Variants in B3GALT1 observed in about 807,000 individuals in gnomAD.
B3GALT1 encodes UDP-Gal:betaGlcNAc beta 1,3-galactosyltransferase, polypeptide 1.
In B3GALT1, 10 loss-of-function variants were observed where a neutral mutation model predicts 23.2. That is an observed-to-expected ratio of 0.43 (90% CI 0.27 to 0.73). The LOEUF (loss-of-function observed/expected upper bound fraction) is 0.73. Ranked by LOEUF, B3GALT1 falls within the 30% of genes least tolerant of loss-of-function variation. The pLI is 0.21. For synonymous variants in B3GALT1, 156 were observed against 141.5 expected (o/e 1.10, Z -0.73); for missense variants, 299 against 405.4 (o/e 0.74, Z 2.25).
At chr2:167,714,524 C>T (rs1558957283) in intron 3 of B3GALT1, 5 of 1,612,326 alleles carry the variant, frequency 3.1e-6, no homozygotes, top group Non-Finnish European at 4.2e-6. Flanking sequence ...CGAACGCTCT[C>T]TGCCAAATGT....
At chr2:167,694,925 T>C (rs1686769608) in intron 3 of B3GALT1, among the ~76,000 whole-genome samples, 1 of 152,170 alleles carries the variant, frequency 6.6e-6, no homozygotes, top group Non-Finnish European at 1.5e-5. Flanking sequence ...TAAATTTCTT[T>C]GCTTAGATAA....
At chr2:167,774,485 G>GTTTTGTTTTTTGTTTTT (rs1688125273) in intron 3 of B3GALT1, among the ~76,000 whole-genome samples, 2 of 105,180 alleles carry the variant, frequency 1.9e-5, no homozygotes, top group Non-Finnish European at 4.0e-5. Flanking sequence ...TTTTTTTTTT[G>GTTTTGTTTTTTGTTTTT]TTTTTTTTTT....
rs534423720 is a variant in B3GALT1, at chr2:167,844,716, T to C, written c.-229-24095T>C. ...GAAAGAAATCTCTAGCTGAACTGTA[T>C]AACAATTTGAATGGGGCGAGAAGCC... On this transcript the variant is annotated intron_variant, in intron 4 of 4. Transcript: ENST00000392690. Among the ~76,000 whole-genome samples the C allele has an allele frequency of 2.6e-5, 4 of 152,204 alleles. No individual in the cohort carries two copies. In the South Asian group the frequency reaches 8.3e-4, roughly 32 times the overall value.
intron 3 of B3GALT1, among the ~76,000 whole-genome samples, chr2:167,667,240 G>T (rs1378804722): frequency 6.6e-6 from 1 of 152,056 alleles, no homozygotes; most frequent in Non-Finnish European, 1.5e-5. Context: ...GAAATTCTGG[G>T]TTGAAAATTC....
chr2:167,586,042 G>T (rs1835745), intron 2 of B3GALT1, among the ~76,000 whole-genome samples: 5 of 152,040 alleles, frequency 3.3e-5, no homozygotes, highest in African/African-American at 1.2e-4. Context: ...TAGGTAAAGC[G>T]CCATTTTTTG....
chr2:167,337,878 T>A (rs919632597), intron 1 of B3GALT1, among the ~76,000 whole-genome samples: 1 of 152,160 alleles, frequency 6.6e-6, no homozygotes, highest in Non-Finnish European at 1.5e-5. Flanking sequence ...ATCAATATTA[T>A]TACTCATATT....
At chr2:167,473,677 C>T (rs1019983978) in intron 1 of B3GALT1, among the ~76,000 whole-genome samples, 1 of 152,032 alleles carries the variant, frequency 6.6e-6, no homozygotes, top group Non-Finnish European at 1.5e-5. Flanking sequence ...TTGATTATCA[C>T]AATCAAGAGA....
intron 2 of B3GALT1, among the ~76,000 whole-genome samples, chr2:167,572,288 G>C (rs1684308224): frequency 1.3e-5 from 2 of 151,678 alleles, no homozygotes; most frequent in South Asian, 4.2e-4. Context: ...AATGCTATCT[G>C]TTCAGGAATA....
chr2:167,843,194 G>T (rs553308738), intron 4 of B3GALT1, among the ~76,000 whole-genome samples: 1 of 152,126 alleles, frequency 6.6e-6, no homozygotes, highest in Non-Finnish European at 1.5e-5. Context: ...GTAAATTTTC[G>T]TAAACATTTG....
chr2:167,802,400 T>C (rs1233173890), intron 3 of B3GALT1, among the ~76,000 whole-genome samples: 1 of 152,228 alleles, frequency 6.6e-6, no homozygotes, highest in African/African-American at 2.4e-5. Context: ...TTTTGTGTGG[T>C]TGTTTTTTAT....
In B3GALT1 at chr2:167,872,098, T is replaced by A. The variant is rs1690361718; in HGVS notation, c.*2078T>A. 6.6e-6 allele frequency: 1 copy of A among 151,484 alleles called. No homozygotes were observed. Among genetic ancestry groups the A allele is most frequent in the African/African-American group, 2.4e-5 (1 of 41,280 alleles). The allele number at this position is 151,484 out of a possible 1,614,324, so 9.4% of individuals were successfully genotyped here. ...TTTGTATTTTTAGTAGAGACGGGGT[T>A]TCACCGTGTTAGCCAGGATGGTCTC... On this transcript the variant is annotated 3_prime_UTR_variant, in exon 5 of 5. Coordinates refer to ENST00000392690, the MANE Select transcript of B3GALT1 (RefSeq NM_020981.4).
rs144117986 is a variant in B3GALT1 at position 167,446,601 on chromosome 2, C to G, written c.-510-43576C>G. Among the ~76,000 whole-genome samples the G allele has an allele frequency of 1.3e-4, 20 of 152,284 alleles. No individual in the cohort carries two copies. The East Asian group carries it at 3.5e-3, about 26-fold the overall frequency. On this transcript the variant is annotated intron_variant, in intron 1 of 4. Transcript: ENST00000392690. ...TTTCTCTAAACTTCTCTTCTTGCTT[C>G]ATTTCATTCATTTGGTCTTCAGTCA...
intron 3 of B3GALT1, among the ~76,000 whole-genome samples, chr2:167,658,742 A>C (rs868397696): frequency 1.3e-5 from 2 of 152,124 alleles, no homozygotes; most frequent in Non-Finnish European, 2.9e-5. Context: ...ATTTCTATGA[A>C]GTATAATGCA....
intron 3 of B3GALT1, among the ~76,000 whole-genome samples, chr2:167,794,355 T>C (rs1688503613): frequency 6.6e-6 from 1 of 152,208 alleles, no homozygotes; most frequent in Non-Finnish European, 1.5e-5. Context: ...GTCTGGAACA[T>C]GTTGCTTTAG....
intron 1 of B3GALT1, among the ~76,000 whole-genome samples, chr2:167,298,878 CAACAG>C (rs1194693225): frequency 6.7e-6 from 1 of 149,742 alleles, no homozygotes; most frequent in African/African-American, 2.5e-5. Context: ...AAAAGAGCAA[CAACAG>C]AAAAACAAAA....
intron 3 of B3GALT1, among the ~76,000 whole-genome samples, chr2:167,691,884 C>G (rs1249251922): frequency 2.0e-5 from 3 of 152,068 alleles, no homozygotes; most frequent in Non-Finnish European, 4.4e-5. Flanking sequence ...AATAAGTAAC[C>G]TACGAGGCAT....
chr2:167,364,281 C>G (rs1260494256), intron 1 of B3GALT1, among the ~76,000 whole-genome samples: 1 of 151,004 alleles, frequency 6.6e-6, no homozygotes, highest in Non-Finnish European at 1.5e-5. Context: ...TTTGCATAAG[C>G]CCAAAGACAA....
intron 3 of B3GALT1, among the ~76,000 whole-genome samples, chr2:167,756,399 G>T (rs1264492000): frequency 2.0e-5 from 3 of 152,102 alleles, no homozygotes; most frequent in African/African-American, 7.2e-5. Context: ...AAAACATGTT[G>T]GTCTATGTAG....
chr2:167,869,698 G>A lies in B3GALT1; in HGVS notation c.659G>A (p.Trp220Ter). 6.2e-7 allele frequency: 1 copy of A among 1,614,094 alleles called. No individual in the cohort carries two copies. Among genetic ancestry groups the A allele is most frequent in the Non-Finnish European group, 8.5e-7 (1 of 1,179,978 alleles). ...CCGATTCGGGATGTCCGCAGTAAGT[G>A]GTATATGCCCAGGGATTTGTACCCA... The part of the protein sequence containing the change: ...GGPIRDVRSK[W>*]YMPRDLYPDS... The change falls in exon 5 of 5, where the codon TGG becomes TAG. Residue 220 changes from tryptophan (W) to a stop codon, truncating the protein, a stop_gained. Transcript: ENST00000392690. LOFTEE classifies it high-confidence loss of function. The surrounding 1 kb of genome is among the most constrained non-coding windows in gnomAD (Gnocchi z 6.4).
Sources: gnomAD v4.1 joint callset for allele counts (sites outside exome capture counted in the v4.1 genomes callset) on GRCh38, gnomAD v4.1.1 for gene constraint, Gnocchi (gnomAD v3.1) non-coding constraint, MANE v1.5 for transcripts, NCBI Gene and HGNC (gene_info 2026-07-23, HGNC 2026-07-21) for gene names.